Variants in FGF12 observed in about 807,000 individuals in gnomAD.
FGF12 encodes the protein fibroblast growth factor 12B.
Under a neutral mutation model 23.6 loss-of-function variants are expected in FGF12, and 14 were observed. The observed-to-expected ratio is 0.59, with a 90% CI of 0.39 to 0.93. The LOEUF (loss-of-function observed/expected upper bound fraction) is 0.93. Ranked by LOEUF, FGF12 falls within the 40% of genes least tolerant of loss-of-function variation. FGF12 has a pLI of 0.00. For synonymous variants in FGF12, 62 were observed against 77.3 expected (o/e 0.80, Z 1.04); for missense variants, 175 against 217.8 (o/e 0.80, Z 1.24).
intron 2 of FGF12, among the ~76,000 whole-genome samples, chr3:192,436,167 T>A (rs73195317): frequency 0.052 from 7,886 of 152,274 alleles, 226 homozygotes; most frequent in Non-Finnish European, 0.064. Context: ...AGAAGCTCAC[T>A]CCCATTGTAG....
chr3:192,433,758 A>G (rs1001788026), intron 2 of FGF12, among the ~76,000 whole-genome samples: 1 of 152,242 alleles, frequency 6.6e-6, no homozygotes, highest in African/African-American at 2.4e-5. Context: ...AATATTTCAC[A>G]TATGAGCTAA....
chr3:192,265,640 T>C (rs565602630), intron 4 of FGF12, among the ~76,000 whole-genome samples: 7 of 151,898 alleles, frequency 4.6e-5, no homozygotes, highest in Non-Finnish European at 1.0e-4. Flanking sequence ...TATCTATAAA[T>C]GAGTTTTTTT....
At chr3:192,659,224 A>C (rs569106334) in intron 2 of FGF12, among the ~76,000 whole-genome samples, 4 of 152,328 alleles carry the variant, frequency 2.6e-5, no homozygotes, top group Admixed American at 2.6e-4. Flanking sequence ...TAAAGTGTTG[A>C]TACATCTTAT....
At position 192,336,142 on chromosome 3, in the gene FGF12, C is replaced by T. The variant is rs576490749; in HGVS notation, c.125-678G>A. Among the ~76,000 whole-genome samples the T allele has an allele frequency of 3.4e-5, 5 of 149,130 alleles. No homozygotes were observed. The highest frequency in any genetic ancestry group is 7.5e-5 in the Non-Finnish European group (5 of 67,078). On this transcript the variant is annotated intron_variant, in intron 3 of 5. Coordinates refer to ENST00000445105, the MANE Select transcript of FGF12 (RefSeq NM_004113.6). This position sits in a 1 kb window ranked among gnomAD's most constrained non-coding sequence, Gnocchi z 4.3. ...ACACACACACACACACACACATATA[C>T]ACACATATATACATACTATATATAT... is the stretch of plus-strand genomic sequence containing the variant.
intron 2 of FGF12, among the ~76,000 whole-genome samples, chr3:192,501,024 T>C (rs1384605626): frequency 6.6e-6 from 1 of 152,216 alleles, no homozygotes; most frequent in Non-Finnish European, 1.5e-5. Context: ...TTGATAAATT[T>C]CTTTTAACAG....
intron 4 of FGF12, among the ~76,000 whole-genome samples, chr3:192,171,522 G>T (rs1715558796): frequency 6.6e-6 from 1 of 152,114 alleles, no homozygotes; most frequent in Non-Finnish European, 1.5e-5. Context: ...CTTATAATGA[G>T]ATTTAAAAAT....
intron 2 of FGF12, among the ~76,000 whole-genome samples, chr3:192,460,118 G>A (rs1166407073): frequency 6.6e-6 from 1 of 152,146 alleles, no homozygotes; most frequent in East Asian, 1.9e-4. Context: ...TCTACCTTGT[G>A]GGAGGGGGGA....
At chr3:192,368,302 C>T (rs6444637) in intron 2 of FGF12, among the ~76,000 whole-genome samples, 64,425 of 151,972 alleles carry the variant, frequency 0.42, 13,943 homozygotes, top group Admixed American at 0.51. Flanking sequence ...AAACATAAAG[C>T]GTGCATTCTA....
At chr3:192,588,737 C>T (rs562495560) in intron 2 of FGF12, among the ~76,000 whole-genome samples, 63 of 152,022 alleles carry the variant, frequency 4.1e-4, no homozygotes, top group African/African-American at 1.4e-3. Flanking sequence ...CAGCTAGAAA[C>T]TGGGAGACAG....
chr3:192,224,335 T>C (rs1253550937), intron 4 of FGF12, among the ~76,000 whole-genome samples: 2 of 152,160 alleles, frequency 1.3e-5, no homozygotes, highest in African/African-American at 4.8e-5. Flanking sequence ...AAGGATTTCC[T>C]ACACAAAACT....
intron 2 of FGF12, among the ~76,000 whole-genome samples, chr3:192,522,472 T>G (rs551666557): frequency 6.6e-6 from 1 of 152,194 alleles, no homozygotes; most frequent in Non-Finnish European, 1.5e-5. Context: ...CTAGAGAGAA[T>G]ATAAAGGAAA....
Position 192,514,844 on chromosome 3 carries a change from G to C in FGF12, c.14-154306C>G. ...CAGGCGGCCTGTCTTCGGAAGCCGG[G>C]TCCCGAGTCCATCGCGCGCGCCCAG... is the stretch of plus-strand genomic sequence containing the variant. On this transcript the variant is annotated intron_variant, in intron 2 of 5. Transcript: ENST00000445105. The surrounding 1 kb of genome is among the most constrained non-coding windows in gnomAD (Gnocchi z 4.9). 4.1e-6 allele frequency: 4 copies of C among 985,330 alleles called. No homozygotes were observed. In the South Asian group the frequency reaches 1.4e-4, roughly 35 times the overall value. The allele number at this position is 985,330 out of a possible 1,614,324, so 61.0% of individuals were successfully genotyped here.
At chr3:192,487,027 A>C (rs1723655794) in intron 2 of FGF12, among the ~76,000 whole-genome samples, 1 of 152,034 alleles carries the variant, frequency 6.6e-6, no homozygotes, top group Non-Finnish European at 1.5e-5. Context: ...ATTTTCTGGA[A>C]GATCCAGTAA....
intron 4 of FGF12, among the ~76,000 whole-genome samples, chr3:192,181,629 GTTTT>G (rs72218051): frequency 1.2e-4 from 15 of 127,376 alleles, no homozygotes; most frequent in East Asian, 6.9e-4. Context: ...GAAGTAATTT[GTTTT>G]TTTTTTTTTT....
At chr3:192,396,911 G>A (rs1720547425) in intron 2 of FGF12, among the ~76,000 whole-genome samples, 1 of 152,154 alleles carries the variant, frequency 6.6e-6, no homozygotes, top group Non-Finnish European at 1.5e-5. Context: ...AAAATAACAA[G>A]AGTCAGGACC....
intron 4 of FGF12, chr3:192,245,103 A>T (rs1719819039): frequency 6.6e-6 from 1 of 151,940 alleles, no homozygotes; most frequent in Non-Finnish European, 1.5e-5. Context: ...TTTGCTTGGG[A>T]CTTTCTCTGA....
rs1405318791 is a variant in FGF12, at chr3:192,143,218, T to C, written c.*791A>G. On this transcript the variant is annotated 3_prime_UTR_variant, in exon 6 of 6. Coordinates refer to ENST00000445105, the MANE Select transcript of FGF12 (RefSeq NM_004113.6). ...TAGAACAGTAATGTTTTTGCTAAAT[T>C]ACTAAAAAAAAAAAAAAAAGAAAGA... The C allele has an allele frequency of 7.1e-6, 1 of 141,834 alleles. No individual in the cohort carries two copies. The highest frequency in any genetic ancestry group is 7.0e-5 in the Admixed American group (1 of 14,246). The allele number at this position is 141,834 out of a possible 1,614,324, so 8.8% of individuals were successfully genotyped here. A position where few individuals can be genotyped will look rare whatever the true frequency, so the allele number is the denominator to read the frequency against.
intron 2 of FGF12, among the ~76,000 whole-genome samples, chr3:192,368,759 C>A (rs1719097256): frequency 1.3e-5 from 2 of 152,162 alleles, no homozygotes; most frequent in South Asian, 4.2e-4. Context: ...TTTCATGCTA[C>A]AACAACAAAG....
At chr3:192,291,601 A>C (rs1176625027) in intron 4 of FGF12, among the ~76,000 whole-genome samples, 1 of 152,028 alleles carries the variant, frequency 6.6e-6, no homozygotes, top group Admixed American at 6.6e-5. Flanking sequence ...GAAAAAAAAA[A>C]ATTACCATGG....
Sources: allele counts gnomAD v4.1 joint callset (sites outside exome capture counted in the v4.1 genomes callset), GRCh38; gene constraint gnomAD v4.1.1; non-coding constraint Gnocchi (gnomAD v3.1); transcripts MANE v1.5; gene names NCBI Gene and HGNC (gene_info 2026-07-23, HGNC 2026-07-21).